USP33: variants seen among roughly 807,000 people sequenced by gnomAD.
USP33 encodes the protein ubiquitin specific peptidase 33, also known as ubiquitin carboxyl-terminal hydrolase 33.
USP33 carries 46 observed loss-of-function variants against 124.2 expected under a neutral mutation model. That is an observed-to-expected ratio of 0.37 (90% CI 0.29 to 0.47). The LOEUF (loss-of-function observed/expected upper bound fraction) is 0.47. Among genes scored for constraint, USP33 ranks in the 20% least tolerant of loss-of-function variants. The probability of loss-of-function intolerance (pLI) is 0.99; values close to 1 mark genes in which losing one functional copy is unlikely to be tolerated. For missense variants in USP33, 851 were observed against 1,070.6 expected (o/e 0.79, Z 2.86); for synonymous variants, 350 against 352.3 (o/e 0.99, Z 0.07).
intron 10 of USP33, among the ~76,000 whole-genome samples, chr1:77,727,080 A>C (rs555829529): frequency 6.6e-6 from 1 of 152,246 alleles, no homozygotes; most frequent in Admixed American, 6.5e-5. Flanking sequence ...ATCAGACTGC[A>C]TAATATTGGG....
At chr1:77,708,567 G>C (rs1274754951) in intron 21 of USP33, among the ~76,000 whole-genome samples, 1 of 152,174 alleles carries the variant, frequency 6.6e-6, no homozygotes, top group African/African-American at 2.4e-5. Flanking sequence ...TCGTTTCCAA[G>C]GGCTTTATGC....
In USP33 at chr1:77,741,664, C is replaced by T. The variant is rs2101555382; in HGVS notation, c.34G>A (p.Asp12Asn). Reference sequence around the variant, plus strand: ...TCTTTTGTTATTTCACCAACTGAATCCAAATGTGGACAATGATTTCGAAAA... The same window carrying T: ...TCTTTTGTTATTTCACCAACTGAATTCAAATGTGGACAATGATTTCGAAAA... ...SAFRNHCPHLDSVGEITKEDL... is the reference protein window; with the variant it reads ...SAFRNHCPHLNSVGEITKEDL... Residue 12 changes from aspartate (D) to asparagine (N), a missense_variant, in exon 2 of 24, where the codon GAT (aspartate) becomes AAT (asparagine). This residue lies in a region of USP33 where 221 missense variants were observed against 302.9 expected (regional missense o/e 0.73). Coordinates refer to ENST00000370794, the MANE Select transcript of USP33 (RefSeq NM_201624.3). 1.2e-6 allele frequency: 2 copies of T among 1,603,520 alleles called. No homozygotes were observed. Among genetic ancestry groups the T allele is most frequent in the East Asian group, 4.5e-5 (2 of 44,580 alleles).
At chr1:77,704,497 T>C (rs953299892) in intron 21 of USP33, among the ~76,000 whole-genome samples, 9 of 152,246 alleles carry the variant, frequency 5.9e-5, no homozygotes, top group Non-Finnish European at 1.0e-4. Context: ...TTTTAAAATT[T>C]AGTTAAGCAC....
chr1:77,730,498 G>C (rs1677680366), intron 8 of USP33, 120 bp downstream of exon 8: 4 of 651,930 alleles, frequency 6.1e-6, no homozygotes, highest in Non-Finnish European at 9.4e-6. Context: ...AAACAAAGCT[G>C]TCTCTAATCT....
At chr1:77,747,990 G>A (rs1679907208) in intron 1 of USP33, among the ~76,000 whole-genome samples, 1 of 152,152 alleles carries the variant, frequency 6.6e-6, no homozygotes, top group Admixed American at 6.6e-5. Context: ...TCTGATTACA[G>A]AGGCTAGATA....
chr1:77,736,476 T>C (rs1557856169), intron 5 of USP33, among the ~76,000 whole-genome samples: 2 of 152,180 alleles, frequency 1.3e-5, no homozygotes, highest in South Asian at 4.1e-4. Context: ...GCTAAAAAGA[T>C]CTCCGAAGGA....
chr1:77,699,510 C>T (rs1180935713), intron 22 of USP33, among the ~76,000 whole-genome samples: 1 of 151,888 alleles, frequency 6.6e-6, no homozygotes, highest in Non-Finnish European at 1.5e-5. Flanking sequence ...AAGTGAGCCT[C>T]TTTTTCAAAA....
chr1:77,751,355 T>C (rs1198274979), intron 1 of USP33, among the ~76,000 whole-genome samples: 2 of 152,150 alleles, frequency 1.3e-5, no homozygotes, highest in East Asian at 3.9e-4. Context: ...TTAAAGTAAA[T>C]GCAAAACTGC....
intron 21 of USP33, among the ~76,000 whole-genome samples, chr1:77,703,586 T>G (rs966376077): frequency 1.3e-5 from 2 of 152,208 alleles, no homozygotes; most frequent in Non-Finnish European, 2.9e-5. Flanking sequence ...ATCGTGCCAC[T>G]GCACTCTAGC....
chr1:77,734,984 A>T (rs567435742), intron 6 of USP33, among the ~76,000 whole-genome samples: 1 of 152,142 alleles, frequency 6.6e-6, no homozygotes, highest in South Asian at 2.1e-4. Context: ...TTTGCCGGGC[A>T]TGGTGGCGGG....
chr1:77,703,305 A>G (rs1055045757), intron 21 of USP33, among the ~76,000 whole-genome samples: 5 of 152,162 alleles, frequency 3.3e-5, no homozygotes, highest in Admixed American at 6.5e-5. Flanking sequence ...CATCTTCTCA[A>G]TGAGGCCTAT....
chr1:77,758,175 CTTTTT>C (rs1185358841), intron 1 of USP33, among the ~76,000 whole-genome samples: 1 of 94,284 alleles, frequency 1.1e-5, no homozygotes, highest in Admixed American at 1.3e-4. Context: ...TTGTACTGTC[CTTTTT>C]TTTTTTTTTT....
intron 5 of USP33, among the ~76,000 whole-genome samples, chr1:77,737,865 G>A (rs1301283619): frequency 1.3e-5 from 2 of 152,152 alleles, no homozygotes; most frequent in African/African-American, 4.8e-5. Context: ...AGTTCCTTGT[G>A]TGATTAAACT....
rs751299440 is a variant in USP33 at position 77,713,289 on chromosome 1, A to T, written c.2216-8T>A. 4 of 1,569,288 alleles carry T rather than the reference A, an allele frequency of 2.5e-6. No homozygotes were observed. Among genetic ancestry groups the T allele is most frequent in the East Asian group, 4.7e-5 (2 of 42,902 alleles). On this transcript the variant is annotated splice_region_variant and splice_polypyrimidine_tract_variant and intron_variant, in intron 19 of 23. Transcript: ENST00000370794. ...CTTTTCTTGGAGGAACACCTAAAAA[A>T]ATATATAAACATATCTGTTTCATGC...
intron 17 of USP33, among the ~76,000 whole-genome samples, chr1:77,716,776 T>A (rs996230097): frequency 1.3e-5 from 2 of 152,066 alleles, no homozygotes; most frequent in African/African-American, 4.8e-5. Flanking sequence ...TCCAGAAGGG[T>A]TTGTGTATAT....
At chr1:77,706,422 A>G (rs1674636412) in intron 21 of USP33, among the ~76,000 whole-genome samples, 1 of 152,210 alleles carries the variant, frequency 6.6e-6, no homozygotes, top group Admixed American at 6.5e-5. Context: ...CTTTATATAC[A>G]TAGTCTGGAT....
At chr1:77,748,667 CAAAAA>C (rs796272242) in intron 1 of USP33, among the ~76,000 whole-genome samples, 1 of 84,004 alleles carries the variant, frequency 1.2e-5, no homozygotes, top group Non-Finnish European at 2.5e-5. Flanking sequence ...GACTCCGTCT[CAAAAA>C]AAAAAAAAAA....
intron 21 of USP33, among the ~76,000 whole-genome samples, chr1:77,709,635 TAC>T (rs1176169593): frequency 1.3e-5 from 2 of 151,378 alleles, no homozygotes; most frequent in Non-Finnish European, 2.9e-5. Flanking sequence ...TATATAAAGC[TAC>T]ATATAGATCT....
chr1:77,713,837 C>G (rs1023001522), intron 19 of USP33, among the ~76,000 whole-genome samples: 2 of 152,140 alleles, frequency 1.3e-5, no homozygotes, highest in Non-Finnish European at 2.9e-5. Flanking sequence ...CAGGTGTGAG[C>G]CACTGCACCC....
Sources: gnomAD v4.1 joint callset for allele counts (sites outside exome capture counted in the v4.1 genomes callset) on GRCh38, gnomAD v4.1.1 for gene constraint, gnomAD v4.1.1 regional missense constraint, MANE v1.5 for transcripts, NCBI Gene and HGNC (gene_info 2026-07-23, HGNC 2026-07-21) for gene names.